The following WDPCP variants were observed in gnomAD, a reference collection of about 807,000 sequenced individuals.
The protein encoded by WDPCP is WD repeat-containing and planar cell polarity effector protein fritz homolog.
Under a neutral mutation model 93.1 loss-of-function variants are expected in WDPCP, and 71 were observed. That is an observed-to-expected ratio of 0.76 (90% CI 0.63 to 0.93). WDPCP has a LOEUF of 0.93. Ranked by LOEUF, WDPCP falls within the 40% of genes least tolerant of loss-of-function variation. The pLI is 0.00. For missense variants in WDPCP, 844 were observed against 887.4 expected, an observed-to-expected ratio of 0.95 and a Z score of 0.62; for synonymous variants, 315 against 315.0, an observed-to-expected ratio of 1.00 and a Z score of 0.00.
At chr2:63,376,051 A>C (rs1277001555) in intron 12 of WDPCP, among the ~76,000 whole-genome samples, 2 of 151,974 alleles carry the variant, frequency 1.3e-5, no homozygotes, top group Non-Finnish European at 2.9e-5. Flanking sequence ...CTTCACAAAT[A>C]CAAAAAGGTA....
At chr2:63,134,916 A>T (rs1214969819) in intron 17 of WDPCP, among the ~76,000 whole-genome samples, 1 of 152,170 alleles carries the variant, frequency 6.6e-6, no homozygotes, top group East Asian at 1.9e-4. Context: ...TGAACTCAGG[A>T]GGTTGAGACT....
At chr2:63,290,541 T>A (rs531013858) in intron 13 of WDPCP, among the ~76,000 whole-genome samples, 1 of 152,254 alleles carries the variant, frequency 6.6e-6, no homozygotes, top group Non-Finnish European at 1.5e-5. Flanking sequence ...GAGACGAGTT[T>A]TCATCTGGTA....
At chr2:63,192,028 T>G (rs777916011) in intron 14 of WDPCP, among the ~76,000 whole-genome samples, 17 of 152,194 alleles carry the variant, frequency 1.1e-4, no homozygotes, top group Admixed American at 5.2e-4. Flanking sequence ...TTGCTCAGCC[T>G]TGATGCAGAA....
intron 6 of WDPCP, among the ~76,000 whole-genome samples, chr2:63,458,346 T>G (rs1316807056): frequency 3.3e-5 from 5 of 151,946 alleles, no homozygotes; most frequent in Non-Finnish European, 1.5e-5. Flanking sequence ...CAGAAAACTC[T>G]TAGAACTGAT....
At chr2:63,709,830 G>A (rs1669233447) in intron 2 of WDPCP, among the ~76,000 whole-genome samples, 1 of 152,170 alleles carries the variant, frequency 6.6e-6, no homozygotes, top group African/African-American at 2.4e-5. Context: ...ACAATAAAAT[G>A]TTTGACGAAG....
chr2:63,786,009 C>T (rs550444987), intron 2 of WDPCP, among the ~76,000 whole-genome samples: 2 of 152,132 alleles, frequency 1.3e-5, no homozygotes, highest in African/African-American at 4.8e-5. Context: ...AGATAAATTC[C>T]TCATTCAAAA....
At chr2:63,383,262 C>T (rs996336473) in intron 10 of WDPCP, among the ~76,000 whole-genome samples, 1 of 151,878 alleles carries the variant, frequency 6.6e-6, no homozygotes, top group African/African-American at 2.4e-5. Flanking sequence ...TTTAAAAGTA[C>T]TGAGAGGTAA....
chr2:63,672,624 A>G (rs1413838853), intron 2 of WDPCP, among the ~76,000 whole-genome samples: 1 of 151,634 alleles, frequency 6.6e-6, no homozygotes, highest in Non-Finnish European at 1.5e-5. Context: ...TTTTTATTTT[A>G]TTTCATTTTT....
At position 63,487,438 on chromosome 2, in the gene WDPCP, G is replaced by C. The variant is rs1159733534; in HGVS notation, c.208+9C>G. ...AATAAAAATTAATTGCACAGAATAG[G>C]TACTTTACCTGGTGGATCTTTCTTG... is the stretch of plus-strand genomic sequence containing the variant. On this transcript the variant is annotated intron_variant, in intron 3 of 17. Coordinates refer to ENST00000272321, the MANE Select transcript of WDPCP (RefSeq NM_015910.7). 1.9e-6 allele frequency: 3 copies of C among 1,578,900 alleles called. No individual in the cohort carries two copies. The highest frequency in any genetic ancestry group is 1.1e-5 in the South Asian group (1 of 90,198).
upstream of WDPCP, among the ~76,000 whole-genome samples, chr2:63,831,216 G>A (rs1372138130): frequency 1.3e-5 from 2 of 152,100 alleles, no homozygotes; most frequent in Non-Finnish European, 2.9e-5. Flanking sequence ...TCAGTTCTCT[G>A]TTTAAAATGA....
chr2:63,541,038 G>C (rs1410580834), intron 1 of WDPCP, among the ~76,000 whole-genome samples: 1 of 152,130 alleles, frequency 6.6e-6, no homozygotes, highest in Non-Finnish European at 1.5e-5. Context: ...GCAGTAGCAT[G>C]ATCTCGGCTC....
chr2:63,609,759 C>A (rs759865274), intron 3 of WDPCP, among the ~76,000 whole-genome samples: 1 of 152,140 alleles, frequency 6.6e-6, no homozygotes, highest in Non-Finnish European at 1.5e-5. Context: ...GTAGTCCCAA[C>A]TACTCGGGAG....
intron 2 of WDPCP, among the ~76,000 whole-genome samples, chr2:63,720,553 T>C (rs984874974): frequency 6.6e-6 from 1 of 152,200 alleles, no homozygotes; most frequent in African/African-American, 2.4e-5. Context: ...CCCGGTGCTC[T>C]GCCAAATTTC....
intron 14 of WDPCP, among the ~76,000 whole-genome samples, chr2:63,215,053 G>T (rs1292869347): frequency 3.9e-5 from 6 of 152,116 alleles, no homozygotes; most frequent in Admixed American, 3.9e-4. Context: ...ACTGCCCAAG[G>T]TAATCTATAG....
intron 2 of WDPCP, among the ~76,000 whole-genome samples, chr2:63,726,281 A>G (rs144958291): frequency 6.6e-6 from 1 of 152,266 alleles, no homozygotes; most frequent in East Asian, 1.9e-4. Context: ...GCCAGTTATG[A>G]CAGCACCATT....
chr2:63,267,775 T>C (rs994313559), intron 13 of WDPCP, among the ~76,000 whole-genome samples: 5 of 152,104 alleles, frequency 3.3e-5, no homozygotes, highest in Non-Finnish European at 7.4e-5. Flanking sequence ...CAACGAGATA[T>C]CACCTCATGC....
intron 2 of WDPCP, among the ~76,000 whole-genome samples, chr2:63,798,979 G>A (rs13424234): frequency 1.4e-3 from 220 of 152,210 alleles, no homozygotes; most frequent in African/African-American, 4.8e-3. Context: ...TTGAATTTTG[G>A]TAGGTTATCA....
chr2:63,341,053 T>C (rs114619002), intron 12 of WDPCP, among the ~76,000 whole-genome samples: 4,863 of 152,322 alleles, frequency 0.032, 114 homozygotes, highest in Non-Finnish European at 0.045. Context: ...AATTTTTCAG[T>C]TTCCTTCATT....
intron 3 of WDPCP, chr2:63,606,995 A>G (rs1203752432): frequency 6.2e-7 from 1 of 1,607,672 alleles, no homozygotes; most frequent in Non-Finnish European, 8.5e-7. Context: ...TGACTAGACA[A>G]TGATGTTACT....
Sources: gnomAD v4.1 joint callset for allele counts (sites outside exome capture counted in the v4.1 genomes callset) on GRCh38, gnomAD v4.1.1 for gene constraint, MANE v1.5 for transcripts, NCBI Gene and HGNC (gene_info 2026-07-23, HGNC 2026-07-21) for gene names.